Variants in RGS6 observed in about 807,000 individuals in gnomAD.
The protein encoded by RGS6 is regulator of G protein signaling 6.
A neutral mutation model predicts 78.5 loss-of-function variants in RGS6; 30 were observed. That is an observed-to-expected ratio of 0.38 (90% CI 0.29 to 0.52). The LOEUF (loss-of-function observed/expected upper bound fraction) is 0.52. Among genes scored for constraint, RGS6 ranks in the 20% least tolerant of loss-of-function variants. RGS6 has a pLI of 0.85. For synonymous variants in RGS6, 206 were observed against 206.0 expected, an observed-to-expected ratio of 1.00 and a Z score of 0.00; for missense variants, 495 against 609.7, an observed-to-expected ratio of 0.81 and a Z score of 1.98.
At chr14:71,954,792 C>T (rs957895669) in intron 1 of RGS6, among the ~76,000 whole-genome samples, 1 of 152,134 alleles carries the variant, frequency 6.6e-6, no homozygotes, top group East Asian at 1.9e-4. Context: ...GTTTCCTTCT[C>T]TCTGGTTTCA....
intron 1 of RGS6, among the ~76,000 whole-genome samples, chr14:71,933,745 T>C (rs952733384): frequency 6.6e-6 from 1 of 152,198 alleles, no homozygotes; most frequent in African/African-American, 2.4e-5. Flanking sequence ...GGCTTGGGAT[T>C]ATCAATGCTT....
intron 2 of RGS6, among the ~76,000 whole-genome samples, chr14:71,989,083 T>C (rs1432159413): frequency 2.0e-5 from 3 of 152,258 alleles, no homozygotes; most frequent in Non-Finnish European, 4.4e-5. Flanking sequence ...AGATGCAATG[T>C]CCAAATGGCT....
intron 3 of RGS6, among the ~76,000 whole-genome samples, chr14:72,380,998 A>G (rs929673979): frequency 2.0e-5 from 3 of 152,146 alleles, no homozygotes; most frequent in Non-Finnish European, 4.4e-5. Context: ...CTATTAGGCT[A>G]AGGAAAAGAA....
At chr14:72,137,250 A>C (rs1400033178) in intron 2 of RGS6, among the ~76,000 whole-genome samples, 4 of 152,206 alleles carry the variant, frequency 2.6e-5, no homozygotes, top group African/African-American at 9.7e-5. Flanking sequence ...GATTTTGTAA[A>C]ACCCTTTCTG....
At chr14:71,943,073 A>C (rs1356662791) in intron 1 of RGS6, among the ~76,000 whole-genome samples, 1 of 152,122 alleles carries the variant, frequency 6.6e-6, no homozygotes, top group Non-Finnish European at 1.5e-5. Context: ...AGCTGAGGTG[A>C]GGTCCCCTGC....
chr14:72,531,431 C>CA (rs58751762), intron 15 of RGS6, among the ~76,000 whole-genome samples: 5,369 of 65,998 alleles, frequency 0.081, 164 homozygotes, highest in African/African-American at 0.1. Context: ...GACTTTATCT[C>CA]AAAAAAAAAA....
chr14:72,370,357 T>C (rs1367226992), intron 3 of RGS6, among the ~76,000 whole-genome samples: 1 of 152,114 alleles, frequency 6.6e-6, no homozygotes, highest in African/African-American at 2.4e-5. Context: ...TCCTATGCCA[T>C]AGGGGTTGTG....
chr14:72,473,182 GCCT>G, intron 9 of RGS6, among the ~76,000 whole-genome samples: 1 of 152,172 alleles, frequency 6.6e-6, no homozygotes, highest in East Asian at 1.9e-4. Context: ...GGCGGCTCAC[GCCT>G]GTAATCCCAG....
At chr14:72,292,057 A>T (rs941097425) in intron 2 of RGS6, among the ~76,000 whole-genome samples, 1 of 10,118 alleles carries the variant, frequency 9.9e-5, no homozygotes, top group Non-Finnish European at 2.3e-4. Context: ...TGAACACAGT[A>T]ACACGGTAGG....
intron 2 of RGS6, among the ~76,000 whole-genome samples, chr14:72,294,976 T>C (rs1278820876): frequency 6.6e-6 from 1 of 152,158 alleles, no homozygotes; most frequent in Non-Finnish European, 1.5e-5. Context: ...TGGTATGCTT[T>C]TGCATGCATT....
At chr14:72,613,769 T>G in the RGS6 span, among the ~76,000 whole-genome samples, 7 of 152,158 alleles carry the variant, frequency 4.6e-5, no homozygotes, top group African/African-American at 1.7e-4. Flanking sequence ...CCTCAGAGTT[T>G]CCTGACAGCT....
rs571412725 is a variant in RGS6, at chr14:72,339,849, G to T, written c.85-12246G>T. 2.8e-4 allele frequency among the ~76,000 whole-genome samples: 43 copies of T among 152,312 alleles called. No individual in the cohort carries two copies. The South Asian group carries it at 8.9e-3, about 32-fold the overall frequency. ...GCTGCTGGGTCTCAGGCAACACAAGGAAGAGGTTTGTCCTGGGACCCCCTG... is the reference window on the plus strand; with the variant it reads ...GCTGCTGGGTCTCAGGCAACACAAGTAAGAGGTTTGTCCTGGGACCCCCTG... On this transcript the variant is annotated intron_variant, in intron 2 of 17. Transcript: ENST00000553525.
At chr14:72,542,548 G>A (rs927853793) in intron 17 of RGS6, among the ~76,000 whole-genome samples, 3 of 152,240 alleles carry the variant, frequency 2.0e-5, no homozygotes, top group African/African-American at 4.8e-5. Flanking sequence ...TGGGAAAGAT[G>A]TGTAAGAACA....
At chr14:72,025,217 C>G (rs1430953777) in intron 2 of RGS6, among the ~76,000 whole-genome samples, 1 of 151,788 alleles carries the variant, frequency 6.6e-6, no homozygotes. Context: ...AGAACTTTGC[C>G]TTGAACCTCA....
At chr14:72,134,606 T>C (rs1006380611) in intron 2 of RGS6, among the ~76,000 whole-genome samples, 5 of 152,200 alleles carry the variant, frequency 3.3e-5, no homozygotes, top group African/African-American at 7.2e-5. Flanking sequence ...GAAAGAGAGA[T>C]AGACAGATAA....
At chr14:72,584,159 G>C in the RGS6 span, among the ~76,000 whole-genome samples, 1 of 152,172 alleles carries the variant, frequency 6.6e-6, no homozygotes, top group Admixed American at 6.5e-5. Context: ...TGGGTACACT[G>C]TCTGGGGTGT....
chr14:71,968,613 C>T (rs1242179677), intron 2 of RGS6, among the ~76,000 whole-genome samples: 1 of 152,118 alleles, frequency 6.6e-6, no homozygotes, highest in Non-Finnish European at 1.5e-5. Flanking sequence ...CCCATGGAAG[C>T]CATAATGGTG....
chr14:72,199,062 G>C (rs1013856965), intron 2 of RGS6, among the ~76,000 whole-genome samples: 1 of 152,194 alleles, frequency 6.6e-6, no homozygotes, highest in Non-Finnish European at 1.5e-5. Context: ...TACAATTTCA[G>C]GGATTTTCAT....
At chr14:71,956,878 T>C (rs1310477143) in intron 1 of RGS6, among the ~76,000 whole-genome samples, 1 of 152,056 alleles carries the variant, frequency 6.6e-6, no homozygotes, top group African/African-American at 2.4e-5. Flanking sequence ...GTGTGAATAG[T>C]GAAGGTGAAG....
Sources: allele counts gnomAD v4.1 joint callset (sites outside exome capture counted in the v4.1 genomes callset), GRCh38; gene constraint gnomAD v4.1.1; transcripts MANE v1.5; gene names NCBI Gene and HGNC (gene_info 2026-07-23, HGNC 2026-07-21).